The following SLCO3A1 variants were observed in gnomAD, a reference collection of about 807,000 sequenced individuals.
SLCO3A1 encodes the protein solute carrier organic anion transporter family member 3A1.
A neutral mutation model predicts 63.1 loss-of-function variants in SLCO3A1; 27 were observed. That is an observed-to-expected ratio of 0.43 (90% CI 0.32 to 0.59). The LOEUF (loss-of-function observed/expected upper bound fraction) is 0.59. SLCO3A1 is among the 20% of genes least tolerant of loss of function. The pLI, the probability that SLCO3A1 is intolerant of heterozygous loss-of-function variation, is 0.09. For missense variants in SLCO3A1, 773 were observed against 945.8 expected (o/e 0.82, Z 2.40); for synonymous variants, 473 against 409.9 (o/e 1.15, Z -1.86).
At chr15:91,996,345 A>T (rs1567057887) in intron 2 of SLCO3A1, among the ~76,000 whole-genome samples, 1 of 152,190 alleles carries the variant, frequency 6.6e-6, no homozygotes, top group Non-Finnish European at 1.5e-5. Context: ...AAAATAAGAT[A>T]TTTAAACAAA....
chr15:92,141,500 A>G (rs1018117445), intron 7 of SLCO3A1, among the ~76,000 whole-genome samples: 38 of 152,172 alleles, frequency 2.5e-4, no homozygotes, highest in African/African-American at 8.4e-4. Flanking sequence ...AGCCTTTATC[A>G]TCCCCTTAAA....
chr15:92,012,600 G>A (rs2046380889), intron 2 of SLCO3A1, among the ~76,000 whole-genome samples: 1 of 152,106 alleles, frequency 6.6e-6, no homozygotes, highest in Admixed American at 6.5e-5. Flanking sequence ...GAAGAACCTT[G>A]TACAGGTACA....
At position 92,164,606 on chromosome 15, in the gene SLCO3A1, C is replaced by CTG. The variant is rs35925747; in HGVS notation, c.*1473_*1474dup. 0.63 allele frequency: 621,054 copies of CTG among 984,696 alleles called. 197,048 individuals carry two copies. Among genetic ancestry groups the CTG allele is most frequent in the Middle Eastern group, 0.74 (1,418 of 1,914 alleles). The allele number at this position is 984,696 out of a possible 1,614,324, so 61.0% of individuals were successfully genotyped here. On this transcript the variant is annotated 3_prime_UTR_variant, in exon 10 of 10. Coordinates refer to ENST00000318445, the MANE Select transcript of SLCO3A1 (RefSeq NM_013272.4). ...TCCCTAACACAAGCTGTTAAGAAGT[C>CTG]TGTAGCATCTCTGATAACGAATAGA...
At chr15:92,019,936 G>A (rs2046486804) in intron 2 of SLCO3A1, among the ~76,000 whole-genome samples, 1 of 152,128 alleles carries the variant, frequency 6.6e-6, no homozygotes, top group Non-Finnish European at 1.5e-5. Flanking sequence ...TCATGTCAGG[G>A]CAGTGAGGAC....
chr15:91,981,085 T>C (rs77637686), intron 2 of SLCO3A1, among the ~76,000 whole-genome samples: 4,772 of 152,208 alleles, frequency 0.031, 265 homozygotes, highest in African/African-American at 0.11. Context: ...GCCTCCCCCT[T>C]AGGGAGAGTG....
chr15:92,142,963 A>G (rs2048154469), intron 7 of SLCO3A1, among the ~76,000 whole-genome samples: 2 of 151,974 alleles, frequency 1.3e-5, no homozygotes, highest in African/African-American at 2.4e-5. Flanking sequence ...AAACCAAAGA[A>G]AGCTCACCGA....
intron 6 of SLCO3A1, 25 bp from the exon 7 acceptor site, chr15:92,128,326 C>A: frequency 6.2e-7 from 1 of 1,613,436 alleles, no homozygotes; most frequent in Non-Finnish European, 8.5e-7. Flanking sequence ...TTTCTAATGG[C>A]TTCCGTGTTT....
intron 3 of SLCO3A1, among the ~76,000 whole-genome samples, chr15:92,101,254 A>T (rs1304513685): frequency 6.6e-6 from 1 of 152,188 alleles, no homozygotes; most frequent in African/African-American, 2.4e-5. Context: ...CACACCTGTA[A>T]TCTCAGCACT....
intron 1 of SLCO3A1, among the ~76,000 whole-genome samples, chr15:91,877,976 AG>A (rs1430358116): frequency 6.6e-6 from 1 of 151,564 alleles, no homozygotes; most frequent in Admixed American, 6.6e-5. Flanking sequence ...GGCTTTCCTT[AG>A]GTGAGGCTGC....
chr15:91,938,688 C>G (rs1899507021), intron 2 of SLCO3A1, among the ~76,000 whole-genome samples: 1 of 152,068 alleles, frequency 6.6e-6, no homozygotes, highest in Admixed American at 6.5e-5. Context: ...ATTAACTTGC[C>G]CACGATCACC....
Position 92,068,622 on chromosome 15 carries a change from T to G in SLCO3A1, c.647-26259T>G, listed in dbSNP as rs192835382. Among the ~76,000 whole-genome samples, 36 of 152,322 alleles carry G rather than the reference T, an allele frequency of 2.4e-4. No homozygotes were observed. The Middle Eastern group carries it at 0.014, about 58-fold the overall frequency. ...GCTGGGGCCACAACGCTCCAGTCAC[T>G]TTGATCAAGACAGCACAGAGGCCTC... On this transcript the variant is annotated intron_variant, in intron 2 of 9. Transcript: ENST00000318445.
In SLCO3A1 at chr15:91,942,575, A is replaced by T. The variant is rs1567196795; in HGVS notation, c.646+26117A>T. ...TGCAACAGAACTCTGCTGGAAATGT[A>T]TGTTTGTTTGTTTGTTTGTTTGTTT... On this transcript the variant is annotated intron_variant, in intron 2 of 9. Transcript: ENST00000318445. The surrounding 1 kb of genome is among the most constrained non-coding windows in gnomAD (Gnocchi z 4.1). Among the ~76,000 whole-genome samples, 2 of 151,696 alleles carry T rather than the reference A, an allele frequency of 1.3e-5. No homozygotes were observed. Among genetic ancestry groups the T allele is most frequent in the Non-Finnish European group, 2.9e-5 (2 of 67,932 alleles).
chr15:91,937,429 G>A (rs1214439546), intron 2 of SLCO3A1, among the ~76,000 whole-genome samples: 1 of 152,134 alleles, frequency 6.6e-6, no homozygotes, highest in Non-Finnish European at 1.5e-5. Context: ...ATTTTAAAAA[G>A]TGGGAGTGGG....
chr15:91,929,184 A>T (rs1457166815), intron 2 of SLCO3A1, among the ~76,000 whole-genome samples: 2 of 152,174 alleles, frequency 1.3e-5, no homozygotes, highest in Non-Finnish European at 2.9e-5. Context: ...GTGTCCACAT[A>T]CATGAACTGT....
At chr15:92,171,796 C>T in exon 11 of SLCO3A1, 1 of 1,551,258 alleles carries the variant, frequency 6.4e-7, no homozygotes, top group Non-Finnish European at 8.7e-7. Flanking sequence ...AGTACCAAGA[C>T]ATTGAGACTG....
At chr15:92,045,602 TAGTC>T (rs1329663764) in intron 2 of SLCO3A1, among the ~76,000 whole-genome samples, 1 of 152,114 alleles carries the variant, frequency 6.6e-6, no homozygotes, top group Non-Finnish European at 1.5e-5. Context: ...TTGATTTATT[TAGTC>T]AGTCTTCTAC....
At chr15:92,032,929 G>A (rs895669223) in intron 2 of SLCO3A1, among the ~76,000 whole-genome samples, 6 of 151,708 alleles carry the variant, frequency 4.0e-5, no homozygotes, top group South Asian at 2.1e-4. Flanking sequence ...AAAGTGGGGC[G>A]GGGCGGGCGG....
intron 7 of SLCO3A1, among the ~76,000 whole-genome samples, chr15:92,146,403 T>C (rs532520975): frequency 1.3e-5 from 2 of 152,362 alleles, no homozygotes; most frequent in South Asian, 4.1e-4. Context: ...TCCAAGCTCC[T>C]GCATCTCTTA....
chr15:91,973,989 A>G (rs1251914923), intron 2 of SLCO3A1, among the ~76,000 whole-genome samples: 1 of 152,156 alleles, frequency 6.6e-6, no homozygotes, highest in Non-Finnish European at 1.5e-5. Context: ...GTAAGATATG[A>G]CCTGTCTGTG....
Sources: allele counts gnomAD v4.1 joint callset (sites outside exome capture counted in the v4.1 genomes callset), GRCh38; gene constraint gnomAD v4.1.1; non-coding constraint Gnocchi (gnomAD v3.1); transcripts MANE v1.5; gene names NCBI Gene and HGNC (gene_info 2026-07-23, HGNC 2026-07-21).